MTA3: variants seen among roughly 807,000 people sequenced by gnomAD.
MTA3 encodes metastasis-associated protein MTA3.
A neutral mutation model predicts 83.5 loss-of-function variants in MTA3; 34 were observed. That is an observed-to-expected ratio of 0.41 (90% CI 0.31 to 0.54). MTA3 has a LOEUF of 0.54. MTA3 is among the 20% of genes least tolerant of loss of function. The probability of loss-of-function intolerance (pLI) is 0.33; values close to 1 mark genes in which losing one functional copy is unlikely to be tolerated. For synonymous variants in MTA3, 303 were observed against 252.7 expected (o/e 1.20, Z -1.89); for missense variants, 761 against 726.4 (o/e 1.05, Z -0.55).
intron 2 of MTA3, among the ~76,000 whole-genome samples, chr2:42,540,490 G>C (rs893353690): frequency 6.6e-6 from 1 of 151,880 alleles, no homozygotes; most frequent in Non-Finnish European, 1.5e-5. Flanking sequence ...CCCTTGACAG[G>C]GGAAAATGAT....
rs770373597 is a variant in MTA3 at position 42,570,741 on chromosome 2, T to A, written c.96+237T>A. Among the ~76,000 whole-genome samples the A allele has an allele frequency of 1.0e-3, 153 of 151,924 alleles. 1 individual carries two copies. Among genetic ancestry groups the A allele is most frequent in the Non-Finnish European group, 6.0e-4 (41 of 67,996 alleles). On this transcript the variant is annotated intron_variant, in intron 2 of 16. Coordinates refer to ENST00000405094, the MANE Select transcript of MTA3 (RefSeq NM_001330442.2). Reference sequence around the variant, plus strand: ...AAAGTAAAAATATGGCTGGGTGCGGTGGCTCATGCCTGTAATCTCAGCACT... The same window carrying A: ...AAAGTAAAAATATGGCTGGGTGCGGAGGCTCATGCCTGTAATCTCAGCACT...
intron 3 of MTA3, among the ~76,000 whole-genome samples, chr2:42,609,032 A>AT (rs11460512): frequency 0.77 from 104,257 of 136,054 alleles, 40,585 homozygotes; most frequent in African/African-American, 0.9. Flanking sequence ...TAAATGTTTA[A>AT]TTTTTTTTTT....
chr2:42,575,488 A>G (rs1479621906), intron 2 of MTA3, among the ~76,000 whole-genome samples: 1 of 152,182 alleles, frequency 6.6e-6, no homozygotes, highest in African/African-American at 2.4e-5. Flanking sequence ...GCTTTGATTC[A>G]TTCATTTTAC....
chr2:42,649,569 G>A (rs146725219), intron 6 of MTA3, among the ~76,000 whole-genome samples: 91 of 152,320 alleles, frequency 6.0e-4, no homozygotes, highest in Non-Finnish European at 1.1e-3. Flanking sequence ...AATTGTGTCA[G>A]TTCATATGTG....
chr2:42,691,550 A>G (rs926825303), intron 9 of MTA3, among the ~76,000 whole-genome samples: 1 of 152,186 alleles, frequency 6.6e-6, no homozygotes, highest in Non-Finnish European at 1.5e-5. Flanking sequence ...TGTAGTTTAC[A>G]TACCACAATT....
At position 42,623,732 on chromosome 2, in the gene MTA3, G is replaced by A. The variant is rs557387008; in HGVS notation, c.317+14148G>A. Among the ~76,000 whole-genome samples the A allele has an allele frequency of 8.6e-5, 12 of 139,846 alleles. No homozygotes were observed. In the South Asian group the frequency reaches 1.1e-3, roughly 13 times the overall value. 91.7% of individuals were successfully genotyped at this position (139,846 alleles called of 152,430 possible). A position where few individuals can be genotyped will look rare whatever the true frequency, so the allele number is the denominator to read the frequency against. On this transcript the variant is annotated intron_variant, in intron 4 of 16. Transcript: ENST00000405094. Reference sequence around the variant, plus strand: ...TTTTTTTTTTGAGACAGAGTCTGTCGCCCAGGCAGGAGCAGTGGCACAATC... The same window carrying A: ...TTTTTTTTTTGAGACAGAGTCTGTCACCCAGGCAGGAGCAGTGGCACAATC...
chr2:42,615,696 C>CT (rs1250218017), intron 4 of MTA3, among the ~76,000 whole-genome samples: 1 of 120,910 alleles, frequency 8.3e-6, no homozygotes, highest in Non-Finnish European at 1.7e-5. Flanking sequence ...ACCACAGATA[C>CT]TTGAATAATC....
intron 2 of MTA3, among the ~76,000 whole-genome samples, chr2:42,524,972 T>C (rs1184933012): frequency 1.3e-5 from 2 of 151,200 alleles, no homozygotes; most frequent in Non-Finnish European, 3.0e-5. Context: ...TTTTTTTTTT[T>C]TATACTTTAA....
chr2:42,596,056 A>C (rs1681754954), intron 3 of MTA3, among the ~76,000 whole-genome samples: 1 of 152,240 alleles, frequency 6.6e-6, no homozygotes, highest in Non-Finnish European at 1.5e-5. Flanking sequence ...CTGGCATTTG[A>C]AAAACTTTTT....
chr2:42,680,635 A>G (rs1691801142), intron 8 of MTA3, among the ~76,000 whole-genome samples: 1 of 152,198 alleles, frequency 6.6e-6, no homozygotes, highest in Non-Finnish European at 1.5e-5. Context: ...GTTGCTTTTC[A>G]GTTTTCCTGT....
chr2:42,586,333 C>T (rs1032818903), intron 3 of MTA3, among the ~76,000 whole-genome samples: 2 of 149,916 alleles, frequency 1.3e-5, no homozygotes, highest in East Asian at 2.0e-4. Context: ...GCCTGTAATC[C>T]AAGCACTTTT....
At chr2:42,587,295 G>A (rs1680455138) in intron 3 of MTA3, among the ~76,000 whole-genome samples, 1 of 152,254 alleles carries the variant, frequency 6.6e-6, no homozygotes, top group Admixed American at 6.5e-5. Flanking sequence ...CCGTGTGACA[G>A]AACAAGACCC....
chr2:42,740,809 G>A (rs1312018020), intron 16 of MTA3, among the ~76,000 whole-genome samples: 1 of 152,260 alleles, frequency 6.6e-6, no homozygotes, highest in African/African-American at 2.4e-5. Context: ...AATAGATTAA[G>A]CATAATTCTT....
At chr2:42,694,619 G>T (rs552637204) in intron 9 of MTA3, among the ~76,000 whole-genome samples, 1 of 151,844 alleles carries the variant, frequency 6.6e-6, no homozygotes, top group Non-Finnish European at 1.5e-5. Flanking sequence ...GCACTGCAAG[G>T]CCTCTGCCAG....
intron 2 of MTA3, among the ~76,000 whole-genome samples, chr2:42,512,625 C>T (rs1432061844): frequency 6.6e-6 from 1 of 152,042 alleles, no homozygotes; most frequent in East Asian, 1.9e-4. Flanking sequence ...CGTAAATCTC[C>T]AAAGAAAGAA....
chr2:42,623,325 G>T (rs941864220), intron 4 of MTA3, among the ~76,000 whole-genome samples: 10 of 152,236 alleles, frequency 6.6e-5, no homozygotes, highest in African/African-American at 2.2e-4. Flanking sequence ...TGGTTGCTAT[G>T]CGAAGGGTAC....
chr2:42,514,568 C>T (rs996767646), intron 2 of MTA3, among the ~76,000 whole-genome samples: 1 of 150,186 alleles, frequency 6.7e-6, no homozygotes, highest in Admixed American at 6.7e-5. Flanking sequence ...ATTTTTAATA[C>T]AGATGGGGTT....
At position 42,640,161 on chromosome 2, in the gene MTA3, C is replaced by G; in HGVS notation, c.318-12C>G. ...CCTTTGTTACATTTATTCTTTTTTT[C>G]TTTTTCAACAGGGGAAAGTGCAGTG... On this transcript the variant is annotated splice_polypyrimidine_tract_variant and intron_variant, in intron 4 of 16. Coordinates refer to ENST00000405094, the MANE Select transcript of MTA3 (RefSeq NM_001330442.2). 1.9e-6 allele frequency: 3 copies of G among 1,586,116 alleles called. No individual in the cohort carries two copies. Among genetic ancestry groups the G allele is most frequent in the Non-Finnish European group, 2.6e-6 (3 of 1,167,078 alleles).
Position 42,548,846 on chromosome 2 carries a change from AAT to A in MTA3, c.-140-21579_-140-21578del, listed in dbSNP as rs377534429. ...ATATATATAATATATATATATATAT[AAT>A]ATATATATATAATATATATATATAT... On this transcript the variant is annotated intron_variant, in intron 2 of 17. Transcript: ENST00000405592. 2.5e-3 allele frequency among the ~76,000 whole-genome samples: 38 copies of A among 15,064 alleles called. 6 individuals are homozygous for A. The highest frequency in any genetic ancestry group is 6.1e-3 in the African/African-American group (23 of 3,796). 9.9% of individuals were successfully genotyped at this position (15,064 alleles called of 152,430 possible).
Sources: allele counts gnomAD v4.1 joint callset (sites outside exome capture counted in the v4.1 genomes callset), GRCh38; gene constraint gnomAD v4.1.1; transcripts MANE v1.5; gene names NCBI Gene and HGNC (gene_info 2026-07-23, HGNC 2026-07-21).